The following SYNM variants were observed in gnomAD, a reference collection of about 807,000 sequenced individuals.
SYNM encodes synemin, also known as desmuslin.
Under a neutral mutation model 104.0 loss-of-function variants are expected in SYNM, and 95 were observed. The ratio of observed to expected loss-of-function variants is 0.91; its 90% CI spans 0.77 to 1.08. SYNM has a LOEUF of 1.08. Ranked by LOEUF, SYNM falls within the 50% of genes least tolerant of loss-of-function variation. The pLI, the probability that SYNM is intolerant of heterozygous loss-of-function variation, is 0.00. For missense variants in SYNM, 2,150 were observed against 2,052.2 expected (o/e 1.05, Z -0.92); for synonymous variants, 918 against 869.0 (o/e 1.06, Z -0.99).
chr15:99,134,828 G>A lies in SYNM; in HGVS notation c.*1770G>A, dbSNP rs2067550790. On this transcript the variant is annotated 3_prime_UTR_variant, in exon 4 of 4. Transcript: ENST00000336292. ...GAAAGAAAGTTGATTGGAATAGCAA[G>A]TTTAAACCTTTGTTGTCCATCTGCC... 6.6e-6 allele frequency: 1 copy of A among 152,270 alleles called. No homozygotes were observed. Among genetic ancestry groups the A allele is most frequent in the Non-Finnish European group, 1.5e-5 (1 of 68,044 alleles). 9.4% of individuals were successfully genotyped at this position (152,270 alleles called of 1,614,324 possible). A position where few individuals can be genotyped will look rare whatever the true frequency, so the allele number is the denominator to read the frequency against.
intron 1 of SYNM, 62 bp from the exon 2 acceptor site, chr15:99,113,529 C>T: frequency 1.3e-6 from 2 of 1,599,126 alleles, no homozygotes; most frequent in Non-Finnish European, 1.7e-6. Context: ...ATTGTTGGTA[C>T]CTTCAGTTCG....
intron 2 of SYNM, among the ~76,000 whole-genome samples, chr15:99,115,424 T>TTC (rs2067338601): frequency 6.7e-6 from 1 of 150,134 alleles, no homozygotes; most frequent in African/African-American, 2.4e-5. Context: ...TTTTCATTTT[T>TTC]TTTATTATTT....
At chr15:99,124,754 G>A (rs1273144118) in intron 2 of SYNM, among the ~76,000 whole-genome samples, 5 of 152,162 alleles carry the variant, frequency 3.3e-5, no homozygotes, top group African/African-American at 7.2e-5. Flanking sequence ...TGACCAAGAC[G>A]CTGTCTCTGC....
At position 99,113,581 on chromosome 15, in the gene SYNM, T is replaced by C. The variant is rs368498357; in HGVS notation, c.811-10T>C. On this transcript the variant is annotated splice_polypyrimidine_tract_variant and intron_variant, in intron 1 of 3. Coordinates refer to ENST00000336292, the MANE Select transcript of SYNM (RefSeq NM_145728.3). ...GTTCTCTGATATAAAAGTCTGTCTA[T>C]TCTCTTTAGAGAGTGATTGACTGCC... 2.5e-6 allele frequency: 4 copies of C among 1,612,916 alleles called. No individual in the cohort carries two copies. The African/African-American group carries it at 5.3e-5, about 22-fold the overall frequency.
downstream of SYNM, chr15:99,137,895 G>T: frequency 6.6e-7 from 1 of 1,512,802 alleles, no homozygotes. Context: ...CCAACAGTTG[G>T]CCTTGGAAAT....
rs1221080076 is a variant in SYNM, at chr15:99,105,664, G to T, written c.465G>T (p.Leu155=). Residue 155 remains leucine (L), a synonymous_variant, in exon 1 of 4, where the codon CTG becomes CTT. Coordinates refer to ENST00000336292, the MANE Select transcript of SYNM (RefSeq NM_145728.3). ...DAAHERDVRE[L]RARAASLTMH... ...CCCACGAACGCGACGTGAGGGAGCT[G>T]CGCGCGCGCGCCGCCAGCCTTACCA... is the stretch of plus-strand genomic sequence containing the variant. The T allele has an allele frequency of 3.8e-6, 5 of 1,330,300 alleles. No homozygotes were observed. The Admixed American group carries it at 1.6e-4, about 42-fold the overall frequency. 82.4% of individuals were successfully genotyped at this position (1,330,300 alleles called of 1,614,324 possible). A position where few individuals can be genotyped will look rare whatever the true frequency, so the allele number is the denominator to read the frequency against.
At chr15:99,115,714 G>A (rs1395898790) in intron 2 of SYNM, among the ~76,000 whole-genome samples, 1 of 152,020 alleles carries the variant, frequency 6.6e-6, no homozygotes, top group African/African-American at 2.4e-5. Flanking sequence ...CACCCACCTC[G>A]CCGCCACAAA....
At position 99,132,259 on chromosome 15, in the gene SYNM, G is replaced by A; in HGVS notation, c.3899G>A (p.Gly1300Glu). Residue 1300 changes from glycine to glutamate, a missense_variant, in exon 4 of 4, where the codon GGG becomes GAG. Physicochemically the swap from Gly to Glu is moderately conservative, Grantham distance 98. Transcript: ENST00000336292. ...ATAGGAGATTCTGTACACATGGAAG[G>A]GTTGCCAGGGAGCAGCACATCCATC... Reference protein sequence around the residue: ...GVIGDSVHMEGLPGSSTSIRH... With the variant: ...GVIGDSVHMEELPGSSTSIRH... 1 of 1,608,256 alleles carries A rather than the reference G, an allele frequency of 6.2e-7. No individual in the cohort carries two copies. Among genetic ancestry groups the A allele is most frequent in the Non-Finnish European group, 8.5e-7 (1 of 1,175,964 alleles).
Position 99,105,273 on chromosome 15 carries a change from A to G in SYNM, c.74A>G (p.Tyr25Cys). The G allele has an allele frequency of 3.8e-6, 6 of 1,561,094 alleles. No individual in the cohort carries two copies. The highest frequency in any genetic ancestry group is 2.6e-6 in the Non-Finnish European group (3 of 1,153,508). ...LQELNARLYDYVCRVRELERE... is the reference protein window; with the variant it reads ...LQELNARLYDCVCRVRELERE... ...GAGCTCAACGCCCGGCTCTATGACT[A>G]CGTGTGTCGGGTGCGGGAGCTGGAG... Residue 25 changes from tyrosine to cysteine, a missense_variant, in exon 1 of 4, where the codon TAC (tyrosine) becomes TGC (cysteine). Transcript: ENST00000336292.
rs1178992242 is a variant in SYNM at position 99,134,552 on chromosome 15, CTG to C, written c.*1497_*1498del. 2 of 152,188 alleles carry C rather than the reference CTG, an allele frequency of 1.3e-5. No homozygotes were observed. Among genetic ancestry groups the C allele is most frequent in the African/African-American group, 4.8e-5 (2 of 41,436 alleles). The allele number at this position is 152,188 out of a possible 1,614,324, so 9.4% of individuals were successfully genotyped here. ...CAGTAACACAGCATCATCGCACTGA[CTG>C]TGGCGCACTGGGGAATAACAGTCTG... On this transcript the variant is annotated 3_prime_UTR_variant, in exon 4 of 4. Transcript: ENST00000336292.
At position 99,134,062 on chromosome 15, in the gene SYNM, C is replaced by G. The variant is rs1390815832; in HGVS notation, c.*1004C>G. ...CCTCTTAAAGATGCCTTTCCCAACC[C>G]TCCATTCATGGGATGCAGGTCTTTC... is the stretch of plus-strand genomic sequence containing the variant. On this transcript the variant is annotated 3_prime_UTR_variant, in exon 4 of 4. Coordinates refer to ENST00000336292, the MANE Select transcript of SYNM (RefSeq NM_145728.3). 1.3e-5 allele frequency: 2 copies of G among 152,154 alleles called. No individual in the cohort carries two copies. The highest frequency in any genetic ancestry group is 4.8e-5 in the African/African-American group (2 of 41,418). The allele number at this position is 152,154 out of a possible 1,614,324, so 9.4% of individuals were successfully genotyped here. A position where few individuals can be genotyped will look rare whatever the true frequency, so the allele number is the denominator to read the frequency against.
chr15:99,133,123 CTTATT>C lies in SYNM; in HGVS notation c.*69_*73del, dbSNP rs1321028197. The C allele has an allele frequency of 2.3e-5, 36 of 1,588,668 alleles. No homozygotes were observed. The highest frequency in any genetic ancestry group is 2.6e-5 in the Non-Finnish European group (31 of 1,173,964). ...ACGTGCCAACATCCAAAGGCCTTAA[CTTATT>C]TTAAGAGGCCGAGGGAGTCTATGAA... is the stretch of plus-strand genomic sequence containing the variant. On this transcript the variant is annotated 3_prime_UTR_variant, in exon 4 of 4. Coordinates refer to ENST00000336292, the MANE Select transcript of SYNM (RefSeq NM_145728.3).
intron 2 of SYNM, among the ~76,000 whole-genome samples, chr15:99,114,674 C>A (rs868936531): frequency 1.3e-5 from 2 of 152,024 alleles, no homozygotes; most frequent in African/African-American, 4.8e-5. Context: ...GGTCACAAAG[C>A]GCTCAAAGGG....
At chr15:99,122,221 G>A (rs541190695) in intron 2 of SYNM, among the ~76,000 whole-genome samples, 7 of 152,314 alleles carry the variant, frequency 4.6e-5, no homozygotes, top group Admixed American at 2.6e-4. Flanking sequence ...CAGAAGCAGC[G>A]TGTTTTAATG....
chr15:99,110,430 C>G (rs1174999337), intron 1 of SYNM, among the ~76,000 whole-genome samples: 1 of 152,210 alleles, frequency 6.6e-6, no homozygotes, highest in African/African-American at 2.4e-5. Context: ...ATGCTTCTTA[C>G]ACACCCACCT....
intron 2 of SYNM, among the ~76,000 whole-genome samples, chr15:99,120,734 G>T (rs2067392486): frequency 6.6e-6 from 1 of 152,216 alleles, no homozygotes; most frequent in Non-Finnish European, 1.5e-5. Flanking sequence ...CTGGTGATGG[G>T]GAGGGAGTTG....
chr15:99,126,700 T>C (rs1555485049), intron 2 of SYNM, 22 bp from the exon 3 acceptor site: 1 of 1,560,126 alleles, frequency 6.4e-7, no homozygotes, highest in Non-Finnish European at 8.7e-7. Context: ...TAATGAATTA[T>C]GTTTGTAAAT....
In SYNM at chr15:99,105,349, G is replaced by A. The variant is rs1186926348; in HGVS notation, c.150G>A (p.Glu50=). The change falls in exon 1 of 4, where the codon GAG becomes GAA. Residue 50 remains glutamate (E), a synonymous_variant. Coordinates refer to ENST00000336292, the MANE Select transcript of SYNM (RefSeq NM_145728.3). ...EEELRGRRGR[E]GLWAEGQARC... is the part of the protein sequence containing the mutation. Reference sequence around the variant, plus strand: ...AGCTGCGCGGCCGGCGCGGGCGAGAGGGCCTGTGGGCCGAGGGGCAGGCCC... The same window carrying A: ...AGCTGCGCGGCCGGCGCGGGCGAGAAGGCCTGTGGGCCGAGGGGCAGGCCC... The A allele has an allele frequency of 1.3e-6, 2 of 1,536,074 alleles. No homozygotes were observed. Among genetic ancestry groups the A allele is most frequent in the African/African-American group, 2.8e-5 (2 of 72,150 alleles).
chr15:99,112,516 G>A (rs2067307723), intron 1 of SYNM, among the ~76,000 whole-genome samples: 1 of 152,080 alleles, frequency 6.6e-6, no homozygotes, highest in Admixed American at 6.5e-5. Flanking sequence ...AAATTTAATT[G>A]AGCAGCTATG....
Sources: allele counts gnomAD v4.1 joint callset (sites outside exome capture counted in the v4.1 genomes callset), GRCh38; gene constraint gnomAD v4.1.1; transcripts MANE v1.5; gene names NCBI Gene and HGNC (gene_info 2026-07-23, HGNC 2026-07-21).